Variants in STIMATE observed in about 807,000 individuals in gnomAD.
The protein encoded by STIMATE is STIM activating enhancer.
A neutral mutation model predicts 36.7 loss-of-function variants in STIMATE; 15 were observed. That is an observed-to-expected ratio of 0.41 (90% CI 0.27 to 0.63). STIMATE has a LOEUF of 0.63. Ranked by LOEUF, STIMATE falls within the 20% of genes least tolerant of loss-of-function variation. The probability of loss-of-function intolerance (pLI) is 0.32; values close to 1 mark genes in which losing one functional copy is unlikely to be tolerated. For synonymous variants in STIMATE, 163 were observed against 162.3 expected (o/e 1.00, Z -0.03); for missense variants, 305 against 397.3 (o/e 0.77, Z 1.98).
chr3:52,895,773 C>T (rs1701854460), intron 1 of STIMATE: 1 of 734,190 alleles, frequency 1.4e-6, no homozygotes, highest in Admixed American at 3.0e-5. Context: ...GCTAAGAAAC[C>T]TCAGGTTAGG....
intron 1 of STIMATE, among the ~76,000 whole-genome samples, chr3:52,891,765 C>A (rs1188908175): frequency 1.3e-5 from 2 of 151,952 alleles, no homozygotes; most frequent in African/African-American, 2.4e-5. Flanking sequence ...GAATGTTTAA[C>A]CTAATTCAGA....
chr3:52,891,180 T>A (rs1205944683), intron 1 of STIMATE, among the ~76,000 whole-genome samples: 1 of 151,768 alleles, frequency 6.6e-6, no homozygotes, highest in Non-Finnish European at 1.5e-5. Flanking sequence ...AATCAGAAAG[T>A]GAACCTGTGT....
intron 6 of STIMATE, among the ~76,000 whole-genome samples, chr3:52,843,369 G>A (rs1004451980): frequency 7.2e-5 from 11 of 152,080 alleles, no homozygotes; most frequent in Non-Finnish European, 1.2e-4. Flanking sequence ...CATTGTGCTC[G>A]GGAGTTTCTC....
At chr3:52,897,191 G>T (rs572964196) in intron 1 of STIMATE, 100 bp downstream of exon 1, 9 of 1,434,244 alleles carry the variant, frequency 6.3e-6, no homozygotes, top group Non-Finnish European at 8.3e-6. Flanking sequence ...AGCAATTCGG[G>T]TCCCAAGGCC....
At position 52,849,782 on chromosome 3, in the gene STIMATE, A is replaced by G. The variant is rs773436409; in HGVS notation, c.427+10T>C. 1.9e-6 allele frequency: 3 copies of G among 1,611,044 alleles called. No individual in the cohort carries two copies. The highest frequency in any genetic ancestry group is 1.1e-5 in the South Asian group (1 of 91,000). On this transcript the variant is annotated intron_variant, in intron 4 of 7. Coordinates refer to ENST00000355083, the MANE Select transcript of STIMATE (RefSeq NM_198563.5). ...CCCTCACGCCCTGTCCGGCATCCAC[A>G]GCATATTACCATATTCGCCGAAGCG...
chr3:52,889,779 G>A (rs1387405367), intron 1 of STIMATE, among the ~76,000 whole-genome samples: 1 of 152,186 alleles, frequency 6.6e-6, no homozygotes, highest in African/African-American at 2.4e-5. Flanking sequence ...GCTGCCACAT[G>A]AGATGTAAAA....
At position 52,838,546 on chromosome 3, in the gene STIMATE, A is replaced by G. The variant is rs1220446631; in HGVS notation, c.*1948T>C. On this transcript the variant is annotated 3_prime_UTR_variant, in exon 8 of 8. Coordinates refer to ENST00000355083, the MANE Select transcript of STIMATE (RefSeq NM_198563.5). ...GGTTCTAGCCACTCTTCCCCACTAGAGAGCTGCTGGGGAAATACTGGCTAC... is the reference window on the plus strand; with the variant it reads ...GGTTCTAGCCACTCTTCCCCACTAGGGAGCTGCTGGGGAAATACTGGCTAC... 6.6e-6 allele frequency: 1 copy of G among 152,154 alleles called. No individual in the cohort carries two copies. Among genetic ancestry groups the G allele is most frequent in the Non-Finnish European group, 1.5e-5 (1 of 68,010 alleles). 9.4% of individuals were successfully genotyped at this position (152,154 alleles called of 1,614,324 possible). A position where few individuals can be genotyped will look rare whatever the true frequency, so the allele number is the denominator to read the frequency against.
intron 1 of STIMATE, among the ~76,000 whole-genome samples, chr3:52,889,666 T>C (rs1291016079): frequency 6.6e-6 from 1 of 152,202 alleles, no homozygotes; most frequent in Non-Finnish European, 1.5e-5. Flanking sequence ...CACATCACTG[T>C]CTAGCTCAGA....
chr3:52,868,926 C>G (rs934755989), intron 1 of STIMATE, among the ~76,000 whole-genome samples: 5 of 152,128 alleles, frequency 3.3e-5, no homozygotes, highest in African/African-American at 7.2e-5. Flanking sequence ...GGCCACACCT[C>G]AGGAACGTTA....
At chr3:52,845,138 T>A (rs1376552512) in intron 4 of STIMATE, among the ~76,000 whole-genome samples, 197 bp from the exon 5 acceptor site, 1 of 152,108 alleles carries the variant, frequency 6.6e-6, no homozygotes, top group Non-Finnish European at 1.5e-5. Flanking sequence ...AATCAGAGAA[T>A]TCCTTATTTG....
chr3:52,866,969 A>T (rs1157988031), intron 1 of STIMATE, among the ~76,000 whole-genome samples: 1 of 152,232 alleles, frequency 6.6e-6, no homozygotes, highest in Non-Finnish European at 1.5e-5. Flanking sequence ...GGCTCCTGTC[A>T]GGTGCAGGGA....
At chr3:52,859,531 A>AAAAAAAAATTT (rs748928249) in intron 1 of STIMATE, among the ~76,000 whole-genome samples, 4 of 18,826 alleles carry the variant, frequency 2.1e-4, no homozygotes, top group African/African-American at 5.1e-4. Flanking sequence ...AAAAAAAAAA[A>AAAAAAAAATTT]TTTTTTTTTT....
At chr3:52,844,543 C>T (rs1005709218) in intron 5 of STIMATE, among the ~76,000 whole-genome samples, 5 of 152,228 alleles carry the variant, frequency 3.3e-5, no homozygotes, top group Non-Finnish European at 7.3e-5. Context: ...CATGTATTGT[C>T]GCAAGGCCTA....
intron 1 of STIMATE, among the ~76,000 whole-genome samples, chr3:52,892,000 T>A (rs550844088): frequency 1.3e-5 from 2 of 152,314 alleles, no homozygotes; most frequent in Admixed American, 6.5e-5. Flanking sequence ...CAGAAGTTGC[T>A]CAGGGGCACC....
Position 52,865,412 on chromosome 3 carries a change from G to C in STIMATE, c.161-9968C>G, listed in dbSNP as rs915810791. Reference sequence around the variant, plus strand: ...CTCTACTGGTACCAATTTACAGTATGATAAAGATGCATCCAAGACTGGGAA... The same window carrying C: ...CTCTACTGGTACCAATTTACAGTATCATAAAGATGCATCCAAGACTGGGAA... On this transcript the variant is annotated intron_variant, in intron 1 of 7. Coordinates refer to ENST00000355083, the MANE Select transcript of STIMATE (RefSeq NM_198563.5). Among the ~76,000 whole-genome samples the C allele has an allele frequency of 4.6e-5, 7 of 152,270 alleles. No homozygotes were observed. The East Asian group carries it at 1.3e-3, about 29-fold the overall frequency.
intron 1 of STIMATE, among the ~76,000 whole-genome samples, chr3:52,865,536 A>G (rs1701291574): frequency 1.3e-5 from 2 of 152,198 alleles, no homozygotes; most frequent in South Asian, 2.1e-4. Context: ...GCGGCAAGAA[A>G]ACATGAGGAA....
chr3:52,863,468 A>T (rs1001230284), intron 1 of STIMATE, among the ~76,000 whole-genome samples: 2 of 152,196 alleles, frequency 1.3e-5, no homozygotes, highest in African/African-American at 2.4e-5. Context: ...CTCCCGCAAC[A>T]TGTGGGAATT....
intron 1 of STIMATE, among the ~76,000 whole-genome samples, chr3:52,857,765 T>C (rs986881894): frequency 6.6e-6 from 1 of 150,654 alleles, no homozygotes; most frequent in African/African-American, 2.4e-5. Context: ...TATTATTATA[T>C]ATAGAGAGAG....
chr3:52,891,914 T>C (rs1339804652), intron 1 of STIMATE, among the ~76,000 whole-genome samples: 1 of 152,188 alleles, frequency 6.6e-6, no homozygotes, highest in Non-Finnish European at 1.5e-5. Flanking sequence ...ACACATTCTT[T>C]CTCATCTCCA....
Sources: allele counts gnomAD v4.1 joint callset (sites outside exome capture counted in the v4.1 genomes callset), GRCh38; gene constraint gnomAD v4.1.1; transcripts MANE v1.5; gene names NCBI Gene and HGNC (gene_info 2026-07-23, HGNC 2026-07-21).